Variants in GOLPH3L observed in about 807,000 individuals in gnomAD.
The protein encoded by GOLPH3L is golgi phosphoprotein 3 like, also known as Golgi phosphoprotein 3-like.
Under a neutral mutation model 30.3 loss-of-function variants are expected in GOLPH3L, and 22 were observed. That is an observed-to-expected ratio of 0.73 (90% CI 0.52 to 1.04). The LOEUF (loss-of-function observed/expected upper bound fraction) is 1.04, where lower values mean the gene tolerates loss of function less well. Among genes scored for constraint, GOLPH3L ranks in the 50% least tolerant of loss-of-function variants. The probability of loss-of-function intolerance (pLI) is 0.00; values close to 1 mark genes in which losing one functional copy is unlikely to be tolerated. For missense variants in GOLPH3L, 303 were observed against 345.8 expected (o/e 0.88, Z 0.98); for synonymous variants, 120 against 128.2 (o/e 0.94, Z 0.43).
chr1:150,684,349 T>C (rs587697868), intron 2 of GOLPH3L, among the ~76,000 whole-genome samples: 3 of 152,362 alleles, frequency 2.0e-5, no homozygotes, highest in South Asian at 4.1e-4. Context: ...GCTTTTTTAA[T>C]GTTTTATTTA....
chr1:150,660,819 G>A (rs1650351031), intron 4 of GOLPH3L, among the ~76,000 whole-genome samples: 1 of 152,204 alleles, frequency 6.6e-6, no homozygotes, highest in African/African-American at 2.4e-5. Context: ...TAGGTACAGA[G>A]TTTTAATGGG....
intron 4 of GOLPH3L, among the ~76,000 whole-genome samples, chr1:150,658,940 A>G (rs587765584): frequency 1.5e-3 from 234 of 152,332 alleles, no homozygotes; most frequent in Non-Finnish European, 2.6e-3. Flanking sequence ...GTCTTTGGAT[A>G]TTGCAAAATT....
intron 2 of GOLPH3L, among the ~76,000 whole-genome samples, chr1:150,667,128 C>A (rs1046443538): frequency 1.4e-4 from 21 of 152,128 alleles, no homozygotes; most frequent in Non-Finnish European, 2.9e-4. Flanking sequence ...CCTGACCAAC[C>A]AACTCCTGAA....
chr1:150,670,999 G>T (rs1304604905), intron 2 of GOLPH3L, among the ~76,000 whole-genome samples: 1 of 152,120 alleles, frequency 6.6e-6, no homozygotes, highest in Non-Finnish European at 1.5e-5. Context: ...CAGCACTTTG[G>T]GAGGCCATGG....
intron 2 of GOLPH3L, among the ~76,000 whole-genome samples, chr1:150,685,976 G>T (rs1396651611): frequency 6.8e-6 from 1 of 148,088 alleles, no homozygotes; most frequent in African/African-American, 2.5e-5. Context: ...CCTGGTTCAA[G>T]CAATTCTCCT....
intron 2 of GOLPH3L, among the ~76,000 whole-genome samples, chr1:150,680,016 G>T (rs1425965836): frequency 1.3e-5 from 2 of 152,086 alleles, no homozygotes; most frequent in South Asian, 4.1e-4. Flanking sequence ...TAATTCAGAT[G>T]AATTTAAGAG....
chr1:150,682,651 A>C (rs1469335032), intron 2 of GOLPH3L, among the ~76,000 whole-genome samples: 1 of 132,090 alleles, frequency 7.6e-6, no homozygotes, highest in Non-Finnish European at 1.6e-5. Context: ...AAAAAAAAAA[A>C]AGTGTTCTCA....
intron 2 of GOLPH3L, among the ~76,000 whole-genome samples, chr1:150,689,694 G>A (rs1328817915): frequency 6.6e-6 from 1 of 152,100 alleles, no homozygotes; most frequent in Non-Finnish European, 1.5e-5. Flanking sequence ...ACCCAGGCTA[G>A]AGTGCAGTAG....
chr1:150,680,120 T>C (rs1362496926), intron 2 of GOLPH3L, among the ~76,000 whole-genome samples: 1 of 151,986 alleles, frequency 6.6e-6, no homozygotes, highest in Non-Finnish European at 1.5e-5. Flanking sequence ...ACAGTTTAGA[T>C]TGGAGGTAAT....
chr1:150,649,869 C>T (rs774408294), intron 4 of GOLPH3L, among the ~76,000 whole-genome samples: 7 of 152,024 alleles, frequency 4.6e-5, no homozygotes, highest in Non-Finnish European at 7.4e-5. Context: ...TGGTGGTACA[C>T]GCCTGTAGTC....
intron 2 of GOLPH3L, among the ~76,000 whole-genome samples, chr1:150,684,069 G>A (rs1400215709): frequency 6.6e-6 from 1 of 152,160 alleles, no homozygotes; most frequent in Admixed American, 6.5e-5. Flanking sequence ...TCTTTTGAGA[G>A]GAGGAAATTT....
intron 2 of GOLPH3L, among the ~76,000 whole-genome samples, chr1:150,688,733 A>T (rs1218620974): frequency 6.6e-6 from 1 of 152,238 alleles, no homozygotes; most frequent in Non-Finnish European, 1.5e-5. Context: ...CCTGGGTGAC[A>T]GAATGAGATT....
chr1:150,651,916 T>C (rs1650113549), intron 4 of GOLPH3L, among the ~76,000 whole-genome samples: 1 of 152,068 alleles, frequency 6.6e-6, no homozygotes, highest in African/African-American at 2.4e-5. Flanking sequence ...AAGTAATGGC[T>C]AAAATCTTGC....
In GOLPH3L at chr1:150,687,440, G is replaced by A. The variant is rs6689413; in HGVS notation, c.183+7216C>T. On this transcript the variant is annotated intron_variant, in intron 2 of 4. Transcript: ENST00000271732. ...TAAAAATACAAAAAATTAGCCGGGC[G>A]TGGTGGTGCATGCCTGTAATCCCAG... Among the ~76,000 whole-genome samples, 644 of 152,084 alleles carry A rather than the reference G, an allele frequency of 4.2e-3. 15 individuals are homozygous for A. The highest frequency in any genetic ancestry group is 0.036 in the Admixed American group (547 of 15,242).
rs1649991664 is a variant in GOLPH3L at position 150,647,090 on chromosome 1, T to G, written c.*1231A>C. 1 of 152,218 alleles carries G rather than the reference T, an allele frequency of 6.6e-6. No individual in the cohort carries two copies. The allele number at this position is 152,218 out of a possible 1,614,324, so 9.4% of individuals were successfully genotyped here. Reference sequence around the variant, plus strand: ...TTAAATATAGACAGACTTTATTAATTTATGTAGGAAGCCAAAAATAGGAAA... The same window carrying G: ...TTAAATATAGACAGACTTTATTAATGTATGTAGGAAGCCAAAAATAGGAAA... On this transcript the variant is annotated 3_prime_UTR_variant, in exon 5 of 5. Coordinates refer to ENST00000271732, the MANE Select transcript of GOLPH3L (RefSeq NM_018178.6).
intron 2 of GOLPH3L, among the ~76,000 whole-genome samples, chr1:150,680,383 T>G (rs1322686323): frequency 1.3e-5 from 2 of 152,102 alleles, no homozygotes; most frequent in Non-Finnish European, 2.9e-5. Context: ...TATCCCCAAG[T>G]AAATTAAGAG....
chr1:150,690,925 T>C (rs1185454611), intron 2 of GOLPH3L, among the ~76,000 whole-genome samples: 1 of 152,180 alleles, frequency 6.6e-6, no homozygotes, highest in Admixed American at 6.5e-5. Context: ...TTAAAAAAAA[T>C]ATTTTGCATT....
chr1:150,657,158 G>T (rs902716728), intron 4 of GOLPH3L, among the ~76,000 whole-genome samples: 3 of 152,196 alleles, frequency 2.0e-5, no homozygotes, highest in Non-Finnish European at 4.4e-5. Flanking sequence ...AACAACTGAT[G>T]ACTTTATTTA....
At chr1:150,665,141 A>G (rs1424807449) in intron 2 of GOLPH3L, among the ~76,000 whole-genome samples, 1 of 152,172 alleles carries the variant, frequency 6.6e-6, no homozygotes, top group African/African-American at 2.4e-5. Context: ...TTATCTGATT[A>G]TATCTTCACA....
Sources: allele counts gnomAD v4.1 joint callset (sites outside exome capture counted in the v4.1 genomes callset), GRCh38; gene constraint gnomAD v4.1.1; transcripts MANE v1.5; gene names NCBI Gene and HGNC (gene_info 2026-07-23, HGNC 2026-07-21).